Variants in MTDH observed in about 807,000 individuals in gnomAD.
MTDH encodes the protein protein LYRIC.
MTDH carries 34 observed loss-of-function variants against 72.7 expected under a neutral mutation model. The ratio of observed to expected loss-of-function variants is 0.47; its 90% confidence interval spans 0.36 to 0.62. The LOEUF (loss-of-function observed/expected upper bound fraction) is 0.62. Among genes scored for constraint, MTDH ranks in the 20% least tolerant of loss-of-function variants. The pLI, the probability that MTDH is intolerant of heterozygous loss-of-function variation, is 0.00. For missense variants in MTDH, 677 were observed against 699.4 expected (o/e 0.97, Z 0.36); for synonymous variants, 266 against 268.9 (o/e 0.99, Z 0.10).
In MTDH at chr8:97,652,765, A is replaced by T. The variant is rs766225181; in HGVS notation, c.381+7878A>T. Among the ~76,000 whole-genome samples the T allele has an allele frequency of 5.3e-5, 8 of 152,176 alleles. No homozygotes were observed. The South Asian group carries it at 8.3e-4, about 16-fold the overall frequency. ...AGGTAATAGTTTTGCTGGTAATATT[A>T]AAAAAGTTATATCACTTGCCACCTA... On this transcript the variant is annotated intron_variant, in intron 1 of 11. Transcript: ENST00000336273.
intron 1 of MTDH, among the ~76,000 whole-genome samples, chr8:97,646,940 A>G (rs1194524754): frequency 1.3e-5 from 2 of 152,250 alleles, no homozygotes; most frequent in Non-Finnish European, 2.9e-5. Context: ...AATACATTTT[A>G]CATTACATTA....
At chr8:97,669,591 G>A (rs549514107) in intron 2 of MTDH, among the ~76,000 whole-genome samples, 5 of 152,176 alleles carry the variant, frequency 3.3e-5, no homozygotes, top group Non-Finnish European at 7.4e-5. Flanking sequence ...TCAAGGAGGA[G>A]TGAGACCCAG....
At chr8:97,660,033 C>G (rs969752286) in intron 1 of MTDH, among the ~76,000 whole-genome samples, 4 of 152,114 alleles carry the variant, frequency 2.6e-5, no homozygotes, top group African/African-American at 9.7e-5. Context: ...GTGGCATGCA[C>G]CTGTAATCTC....
intron 2 of MTDH, among the ~76,000 whole-genome samples, chr8:97,662,026 T>TA (rs1812190355): frequency 6.6e-6 from 1 of 152,058 alleles, no homozygotes; most frequent in Non-Finnish European, 1.5e-5. Flanking sequence ...ATTCCTGAGA[T>TA]TTTATTAATT....
intron 8 of MTDH, among the ~76,000 whole-genome samples, chr8:97,711,697 A>AG (rs1379852405): frequency 6.6e-6 from 1 of 152,226 alleles, no homozygotes; most frequent in Non-Finnish European, 1.5e-5. Flanking sequence ...GTCAAACCCT[A>AG]GGTATACTAT....
At chr8:97,644,941 C>CCTCGAGCTTGGGGGAGGCCGCG (rs1811507099) in intron 1 of MTDH, 54 bp downstream of exon 1, 1 of 1,475,944 alleles carries the variant, frequency 6.8e-7, no homozygotes, top group Non-Finnish European at 8.9e-7. Context: ...GCGTGGAGAC[C>CCTCGAGCTTGGGGGAGGCCGCG]CTCGAGCTTG....
intron 1 of MTDH, 127 bp downstream of exon 1, chr8:97,645,014 T>G (rs1269666155): frequency 2.8e-6 from 3 of 1,084,850 alleles, no homozygotes; most frequent in Non-Finnish European, 3.8e-6. Context: ...GAGGCAGCAC[T>G]CCCAAGTGGA....
At position 97,644,386 on chromosome 8, in the gene MTDH, G is replaced by C; in HGVS notation, c.-121G>C. ...GCCGATCCCCGGCTCCGGCGCGAGG[G>C]ACGGCCGCGATGCGCTCGGCCTGAG... On this transcript the variant is annotated 5_prime_UTR_variant, in exon 1 of 12. Transcript: ENST00000336273. 3.0e-6 allele frequency: 4 copies of C among 1,339,250 alleles called. No individual in the cohort carries two copies. The highest frequency in any genetic ancestry group is 3.9e-6 in the Non-Finnish European group (4 of 1,018,754). 83.0% of individuals were successfully genotyped at this position (1,339,250 alleles called of 1,614,324 possible). A position where few individuals can be genotyped will look rare whatever the true frequency, so the allele number is the denominator to read the frequency against.
intron 2 of MTDH, 45 bp downstream of exon 2, chr8:97,661,218 A>G (rs1038703213): frequency 1.5e-6 from 2 of 1,332,178 alleles, no homozygotes; most frequent in African/African-American, 2.9e-5. Flanking sequence ...CTCTTAATAG[A>G]ATGACATATA....
At chr8:97,710,047 T>C (rs960178118) in intron 8 of MTDH, among the ~76,000 whole-genome samples, 3 of 152,226 alleles carry the variant, frequency 2.0e-5, no homozygotes, top group South Asian at 2.1e-4. Context: ...TCTATTCATA[T>C]GGCATTTTAA....
chr8:97,674,389 A>G (rs1303622497), intron 2 of MTDH, among the ~76,000 whole-genome samples: 2 of 152,232 alleles, frequency 1.3e-5, no homozygotes. Flanking sequence ...TCACACTCTC[A>G]TCCTGATATT....
chr8:97,660,067 G>A (rs1024342673), intron 1 of MTDH, among the ~76,000 whole-genome samples: 1 of 152,144 alleles, frequency 6.6e-6, no homozygotes, highest in Non-Finnish European at 1.5e-5. Flanking sequence ...GCTGAGGCAG[G>A]AGAATCACTT....
chr8:97,646,024 A>G (rs1811551459), intron 1 of MTDH, among the ~76,000 whole-genome samples: 1 of 152,194 alleles, frequency 6.6e-6, no homozygotes, highest in Non-Finnish European at 1.5e-5. Context: ...AGACAGATTC[A>G]TAAATAATTA....
intron 8 of MTDH, among the ~76,000 whole-genome samples, chr8:97,711,271 G>A (rs1341923355): frequency 6.6e-6 from 1 of 151,524 alleles, no homozygotes; most frequent in African/African-American, 2.4e-5. Context: ...ACTAAGGTAG[G>A]AGGATCACTT....
chr8:97,644,781 C>A lies in MTDH; in HGVS notation c.275C>A (p.Ala92Glu). The change falls in exon 1 of 12, where the codon GCG becomes GAG. Residue 92 changes from alanine (A) to glutamate (E), a missense_variant. Coordinates refer to ENST00000336273, the MANE Select transcript of MTDH (RefSeq NM_178812.4). ...AGCCCGCCCCGCAAGCGGGAGGAGG[C>A]GGCGGCCGTGCCGGCCGCGGCCCCC... ...RRSPPRKREE[A>E]AAVPAAAPDD... 1.3e-6 allele frequency: 2 copies of A among 1,548,640 alleles called. No homozygotes were observed. Among genetic ancestry groups the A allele is most frequent in the Non-Finnish European group, 1.7e-6 (2 of 1,157,818 alleles).
intron 2 of MTDH, among the ~76,000 whole-genome samples, chr8:97,675,787 G>A (rs1022796280): frequency 5.3e-5 from 8 of 151,398 alleles, no homozygotes; most frequent in African/African-American, 1.9e-4. Context: ...TGAGAGGATG[G>A]CTTAAGCCCA....
At chr8:97,714,111 T>C (rs907307354) in intron 9 of MTDH, among the ~76,000 whole-genome samples, 14 of 152,304 alleles carry the variant, frequency 9.2e-5, no homozygotes, top group African/African-American at 1.7e-4. Context: ...TTAGCACACA[T>C]AGAAAAACCA....
intron 1 of MTDH, among the ~76,000 whole-genome samples, chr8:97,654,748 T>C (rs1811902247): frequency 6.6e-6 from 1 of 152,082 alleles, no homozygotes; most frequent in Non-Finnish European, 1.5e-5. Flanking sequence ...GAGGATTATA[T>C]ATATACACAC....
At chr8:97,678,776 G>A (rs896053922) in intron 2 of MTDH, among the ~76,000 whole-genome samples, 11 of 151,430 alleles carry the variant, frequency 7.3e-5, no homozygotes, top group Non-Finnish European at 2.9e-5. Context: ...TTCCAAGTCT[G>A]TTTATCTTTT....
Sources: gnomAD v4.1 joint callset for allele counts (sites outside exome capture counted in the v4.1 genomes callset) on GRCh38, gnomAD v4.1.1 for gene constraint, MANE v1.5 for transcripts, NCBI Gene and HGNC (gene_info 2026-07-23, HGNC 2026-07-21) for gene names.